AGBL1: variants seen among roughly 807,000 people sequenced by gnomAD.
AGBL1 encodes AGBL carboxypeptidase 1.
AGBL1 carries 130 observed loss-of-function variants against 118.9 expected under a neutral mutation model. That is an observed-to-expected ratio of 1.09 (90% CI 0.95 to 1.26). AGBL1 has a LOEUF of 1.26. AGBL1 is among the 50% of genes most tolerant of loss of function. AGBL1 has a pLI of 0.00. For synonymous variants in AGBL1, 555 were observed against 478.9 expected (o/e 1.16, Z -2.08); for missense variants, 1,584 against 1,298.1 (o/e 1.22, Z -3.38).
chr15:86,847,744 A>G (rs987122408), intron 22 of AGBL1, among the ~76,000 whole-genome samples: 1 of 152,144 alleles, frequency 6.6e-6, no homozygotes, highest in Admixed American at 6.5e-5. Context: ...TTGCACACGT[A>G]TGCAGACTTG....
intron 17 of AGBL1, among the ~76,000 whole-genome samples, chr15:86,305,338 CAG>C (rs2141810602): frequency 6.6e-6 from 1 of 152,198 alleles, no homozygotes; most frequent in South Asian, 2.1e-4. Flanking sequence ...AAGCTACCGC[CAG>C]ATTCAAGATA....
intron 21 of AGBL1, among the ~76,000 whole-genome samples, chr15:86,672,729 TC>T (rs1259402440): frequency 1.6e-5 from 2 of 127,586 alleles, no homozygotes; most frequent in East Asian, 4.1e-4. Flanking sequence ...AGTGATCTTT[TC>T]TATTGACTTA....
intron 24 of AGBL1, among the ~76,000 whole-genome samples, chr15:87,015,474 G>A: frequency 6.6e-6 from 1 of 151,172 alleles, no homozygotes; most frequent in East Asian, 1.9e-4. Flanking sequence ...ATAGGTAAGG[G>A]CAATGATATG....
At position 86,546,077 on chromosome 15, in the gene AGBL1, T is replaced by C. The variant is rs1401462925; in HGVS notation, c.2761T>C (p.Trp921Arg). 1 of 1,613,462 alleles carries C rather than the reference T, an allele frequency of 6.2e-7. No individual in the cohort carries two copies. Residue 921 changes from tryptophan (W) to arginine (R), a missense_variant, in exon 20 of 23, where the codon TGG (tryptophan) becomes CGG (arginine). Trp to Arg is a moderately radical substitution (Grantham distance 101, BLOSUM62 -3). Coordinates refer to ENST00000614907, the MANE Select transcript of AGBL1 (RefSeq NM_001386094.1). ...LYGCSIKETLWQAACTVGTST... is the reference protein window; with the variant it reads ...LYGCSIKETLRQAACTVGTST... ...TGGCTGTAGCATCAAGGAAACCTTG[T>C]GGCAAGCAGCATGCACTGTGGGCAC...
intron 24 of AGBL1, among the ~76,000 whole-genome samples, chr15:87,023,169 C>T (rs143510975): frequency 1.3e-5 from 2 of 152,054 alleles, no homozygotes; most frequent in Non-Finnish European, 2.9e-5. Flanking sequence ...AAATGTTCTA[C>T]TTAAAGATAC....
chr15:86,995,706 AT>A (rs2141750557), intron 24 of AGBL1, among the ~76,000 whole-genome samples: 1 of 152,296 alleles, frequency 6.6e-6, no homozygotes, highest in African/African-American at 2.4e-5. Context: ...CTACATTAAG[AT>A]TTTAGTTTTT....
intron 22 of AGBL1, among the ~76,000 whole-genome samples, chr15:86,721,995 G>C (rs1030207752): frequency 6.6e-6 from 1 of 151,824 alleles, no homozygotes; most frequent in African/African-American, 2.4e-5. Flanking sequence ...CACTGCTCAA[G>C]GAAATCAAAG....
intron 24 of AGBL1, among the ~76,000 whole-genome samples, chr15:87,007,831 G>T (rs369107913): frequency 6.6e-6 from 1 of 152,146 alleles, no homozygotes; most frequent in Non-Finnish European, 1.5e-5. Flanking sequence ...GCTCTACAAT[G>T]CTTGTTTCTA....
chr15:86,656,731 C>T (rs1247198071), intron 21 of AGBL1, among the ~76,000 whole-genome samples: 1 of 152,124 alleles, frequency 6.6e-6, no homozygotes, highest in Non-Finnish European at 1.5e-5. Context: ...TTCCTTTACA[C>T]CCCCTGAGCT....
At chr15:86,127,813 A>AT (rs2076766991) in intron 1 of AGBL1, among the ~76,000 whole-genome samples, 4 of 151,970 alleles carry the variant, frequency 2.6e-5, no homozygotes, top group South Asian at 4.2e-4. Flanking sequence ...GGTCCTCTGT[A>AT]TTTTTTTTCA....
At chr15:86,539,459 C>A (rs2083466222) in intron 19 of AGBL1, among the ~76,000 whole-genome samples, 1 of 152,172 alleles carries the variant, frequency 6.6e-6, no homozygotes, top group Non-Finnish European at 1.5e-5. Context: ...CCCATCTTAA[C>A]ACTTCTGTTC....
intron 22 of AGBL1, among the ~76,000 whole-genome samples, chr15:86,859,909 T>G (rs565047951): frequency 6.6e-6 from 1 of 152,284 alleles, no homozygotes; most frequent in African/African-American, 2.4e-5. Context: ...TACTGTCGAG[T>G]TTGCTATCCA....
At chr15:86,319,834 G>C (rs915064262) in intron 17 of AGBL1, among the ~76,000 whole-genome samples, 5 of 123,234 alleles carry the variant, frequency 4.1e-5, no homozygotes, top group Non-Finnish European at 6.3e-5. Flanking sequence ...TTGGTTCACT[G>C]CCACCTTCGC....
At chr15:86,525,961 T>C (rs2083256946) in intron 19 of AGBL1, among the ~76,000 whole-genome samples, 1 of 152,104 alleles carries the variant, frequency 6.6e-6, no homozygotes. Context: ...TTGCAAACTA[T>C]ACATCTGATA....
At chr15:86,885,934 T>A (rs923293723) in intron 22 of AGBL1, among the ~76,000 whole-genome samples, 2 of 152,208 alleles carry the variant, frequency 1.3e-5, no homozygotes, top group Non-Finnish European at 2.9e-5. Context: ...TCTGTAACAA[T>A]AGCAACACTA....
At chr15:86,716,905 C>T (rs926912338) in intron 22 of AGBL1, among the ~76,000 whole-genome samples, 2 of 152,176 alleles carry the variant, frequency 1.3e-5, no homozygotes, top group African/African-American at 2.4e-5. Flanking sequence ...CCATTTATTA[C>T]GTATGTGATT....
At chr15:87,022,834 C>G (rs2081679790) in intron 24 of AGBL1, among the ~76,000 whole-genome samples, 2 of 152,028 alleles carry the variant, frequency 1.3e-5, no homozygotes, top group Non-Finnish European at 2.9e-5. Context: ...AACTATCAGC[C>G]AAGAATTCTG....
chr15:86,918,271 T>C (rs1247817920), downstream of AGBL1, among the ~76,000 whole-genome samples: 1 of 152,218 alleles, frequency 6.6e-6, no homozygotes, highest in East Asian at 1.9e-4. Context: ...AAACAAAGTC[T>C]GGGAGATAGT....
At chr15:86,463,467 G>A (rs546785122) in intron 18 of AGBL1, among the ~76,000 whole-genome samples, 19 of 152,070 alleles carry the variant, frequency 1.2e-4, no homozygotes, top group African/African-American at 4.3e-4. Context: ...GTCAATTTTG[G>A]CTTTTGTTGC....
Sources: gnomAD v4.1 joint callset for allele counts (sites outside exome capture counted in the v4.1 genomes callset) on GRCh38, gnomAD v4.1.1 for gene constraint, MANE v1.5 for transcripts, NCBI Gene and HGNC (gene_info 2026-07-23, HGNC 2026-07-21) for gene names.